PPCDC: variants seen among roughly 807,000 people sequenced by gnomAD.
PPCDC encodes phosphopantothenoylcysteine decarboxylase.
PPCDC carries 20 observed loss-of-function variants against 20.7 expected under a neutral mutation model. The ratio of observed to expected loss-of-function variants is 0.97; its 90% CI spans 0.68 to 1.41. PPCDC has a LOEUF of 1.41. Among genes scored for constraint, PPCDC ranks in the 40% most tolerant of loss-of-function variants. The probability of loss-of-function intolerance (pLI) is 0.00; values close to 1 mark genes in which losing one functional copy is unlikely to be tolerated. For synonymous variants in PPCDC, 88 were observed against 100.3 expected (o/e 0.88, Z 0.73); for missense variants, 246 against 263.8 (o/e 0.93, Z 0.47).
At chr15:75,045,512 G>A (rs1201457684) in intron 4 of PPCDC, among the ~76,000 whole-genome samples, 1 of 152,184 alleles carries the variant, frequency 6.6e-6, no homozygotes, top group Non-Finnish European at 1.5e-5. Flanking sequence ...GAGTTTTTCA[G>A]AGTTTCATGT....
chr15:75,025,713 G>T (rs551301870), intron 1 of PPCDC, among the ~76,000 whole-genome samples: 4 of 152,274 alleles, frequency 2.6e-5, no homozygotes, highest in African/African-American at 9.6e-5. Context: ...AGAGCCCGGG[G>T]AAGTCAGGTA....
intron 2 of PPCDC, among the ~76,000 whole-genome samples, chr15:75,034,397 T>A (rs1273504163): frequency 1.3e-5 from 2 of 152,126 alleles, no homozygotes; most frequent in African/African-American, 4.8e-5. Context: ...AGCTTGGATC[T>A]TATCAGCCCT....
chr15:75,044,009 T>G (rs1191230734), intron 3 of PPCDC, among the ~76,000 whole-genome samples: 4 of 151,956 alleles, frequency 2.6e-5, no homozygotes, highest in Non-Finnish European at 4.4e-5. Context: ...CCTAGAACAT[T>G]TCCGGCTGGC....
chr15:75,042,612 C>T (rs983260469), intron 2 of PPCDC, among the ~76,000 whole-genome samples: 3 of 149,238 alleles, frequency 2.0e-5, no homozygotes, highest in African/African-American at 5.0e-5. Context: ...GAGATCATAC[C>T]ACTGCACTCC....
intron 4 of PPCDC, among the ~76,000 whole-genome samples, chr15:75,046,695 T>C (rs573971653): frequency 6.6e-6 from 1 of 152,384 alleles, no homozygotes; most frequent in East Asian, 1.9e-4. Flanking sequence ...GTAGCTGTTT[T>C]CTCCCTACAT....
chr15:75,039,926 A>T (rs1443706004), intron 2 of PPCDC, among the ~76,000 whole-genome samples: 6 of 151,840 alleles, frequency 4.0e-5, no homozygotes, highest in African/African-American at 7.3e-5. Flanking sequence ...CTGGGATTAC[A>T]GGCATGCGCC....
Position 75,048,613 on chromosome 15 carries a change from A to G in PPCDC, c.421A>G (p.Thr141Ala). The G allele has an allele frequency of 6.2e-7, 1 of 1,614,104 alleles. No individual in the cohort carries two copies. The highest frequency in any genetic ancestry group is 8.5e-7 in the Non-Finnish European group (1 of 1,180,000). Residue 141 changes from threonine (T) to alanine (A), a missense_variant, in exon 5 of 6, where the codon ACC becomes GCC. This residue lies in a region of PPCDC where 225 missense variants were observed against 222.6 expected (regional missense o/e 1.01). Coordinates refer to ENST00000342932, the MANE Select transcript of PPCDC (RefSeq NM_021823.5). ...CCTGCTCTTCTGCCCGGCCATGAAC[A>G]CCGCCATGTGGGAGCACCCGATCAC... ...KPLLFCPAMN[T>A]AMWEHPITAQ...
At chr15:75,033,787 C>T (rs543088650) in intron 2 of PPCDC, among the ~76,000 whole-genome samples, 1 of 152,132 alleles carries the variant, frequency 6.6e-6, no homozygotes, top group Admixed American at 6.5e-5. Context: ...GTCACCTGCT[C>T]CTCTAGGGAC....
At chr15:75,033,123 G>T (rs919953419) in intron 2 of PPCDC, among the ~76,000 whole-genome samples, 1 of 152,104 alleles carries the variant, frequency 6.6e-6, no homozygotes, top group African/African-American at 2.4e-5. Flanking sequence ...ATTTTTAAAT[G>T]ATTAAGTCAA....
chr15:75,049,803 G>A lies in PPCDC; in HGVS notation c.*568G>A. On this transcript the variant is annotated 3_prime_UTR_variant, in exon 6 of 6. Transcript: ENST00000342932. ...TCCCAGAGATCAGGGGGTGTTGCCA[G>A]GTGTGGCTGGGGAAGGGTCTGGGTT... is the stretch of plus-strand genomic sequence containing the variant. The A allele has an allele frequency of 6.5e-6, 1 of 153,236 alleles. No homozygotes were observed. The highest frequency in any genetic ancestry group is 1.5e-5 in the Non-Finnish European group (1 of 68,738). The allele number at this position is 153,236 out of a possible 1,614,324, so 9.5% of individuals were successfully genotyped here.
chr15:75,048,094 A>G lies in PPCDC; in HGVS notation c.361-459A>G, dbSNP rs190937210. Among the ~76,000 whole-genome samples the G allele has an allele frequency of 5.3e-5, 8 of 152,300 alleles. No homozygotes were observed. The East Asian group carries it at 1.5e-3, about 29-fold the overall frequency. ...TCTCAGTGAGGGTTAATGAGATCCT[A>G]TATATGAGAAGGTTTTGGTAACGGC... On this transcript the variant is annotated intron_variant, in intron 4 of 5. Coordinates refer to ENST00000342932, the MANE Select transcript of PPCDC (RefSeq NM_021823.5).
chr15:75,034,312 T>C (rs2066060193), intron 2 of PPCDC, among the ~76,000 whole-genome samples: 1 of 152,188 alleles, frequency 6.6e-6, no homozygotes, highest in Admixed American at 6.5e-5. Flanking sequence ...TGTGGATTCC[T>C]ATCTTGGTCT....
At chr15:75,039,067 CTGTT>C (rs891750841) in intron 2 of PPCDC, among the ~76,000 whole-genome samples, 87 of 152,108 alleles carry the variant, frequency 5.7e-4, no homozygotes, top group Admixed American at 1.8e-3. Context: ...TTTCTATTTT[CTGTT>C]TGTTTGTGTA....
In PPCDC at chr15:75,028,422, T is replaced by C. The variant is rs746430370; in HGVS notation, c.104T>C (p.Leu35Pro). 3 of 1,614,258 alleles carry C rather than the reference T, an allele frequency of 1.9e-6. No individual in the cohort carries two copies. The highest frequency in any genetic ancestry group is 2.2e-5 in the South Asian group (2 of 91,086). The change falls in exon 2 of 6, where the codon CTT (leucine) becomes CCT (proline). Residue 35 changes from leucine (L) to proline (P), a missense_variant. This residue lies in a region of PPCDC where 225 missense variants were observed against 222.6 expected (regional missense o/e 1.01). Transcript: ENST00000342932. ...TGSVAALKLP[L>P]LVSKLLDIPG... ...AGTGTCGCAGCCCTGAAGTTGCCTC[T>C]TCTGGTGTCAAAGCTTTTGGACATT...
intron 2 of PPCDC, among the ~76,000 whole-genome samples, chr15:75,040,236 C>T (rs567525774): frequency 4.6e-5 from 7 of 152,232 alleles, no homozygotes; most frequent in Admixed American, 1.3e-4. Context: ...GTGTGTGCCA[C>T]GATGCTGGCT....
intron 4 of PPCDC, among the ~76,000 whole-genome samples, chr15:75,047,565 T>C: frequency 6.6e-6 from 1 of 152,068 alleles, no homozygotes; most frequent in Non-Finnish European, 1.5e-5. Context: ...ACTGGGAGCT[T>C]CTCTCTCCCC....
intron 2 of PPCDC, among the ~76,000 whole-genome samples, chr15:75,034,503 G>A (rs1473210126): frequency 6.6e-6 from 1 of 152,150 alleles, no homozygotes; most frequent in Non-Finnish European, 1.5e-5. Flanking sequence ...TCCCTTGGGG[G>A]TTTTGTTAAG....
chr15:75,048,157 A>G (rs1362472478), intron 4 of PPCDC, among the ~76,000 whole-genome samples: 2 of 152,084 alleles, frequency 1.3e-5, no homozygotes, highest in African/African-American at 4.8e-5. Context: ...GGCCTCGGAG[A>G]GCTGATGTCA....
At chr15:75,027,388 G>A (rs560887800) in intron 1 of PPCDC, among the ~76,000 whole-genome samples, 6 of 152,270 alleles carry the variant, frequency 3.9e-5, no homozygotes, top group South Asian at 2.1e-4. Context: ...TTCTAGCAAC[G>A]TCTGAGAGCC....
Sources: allele counts gnomAD v4.1 joint callset (sites outside exome capture counted in the v4.1 genomes callset), GRCh38; gene constraint gnomAD v4.1.1; regional missense constraint gnomAD v4.1.1; transcripts MANE v1.5; gene names NCBI Gene and HGNC (gene_info 2026-07-23, HGNC 2026-07-21).